The following CCSER1 variants were observed in gnomAD, a reference collection of about 807,000 sequenced individuals.
CCSER1 encodes serine-rich coiled-coil domain-containing protein 1.
CCSER1 carries 41 observed loss-of-function variants against 82.0 expected under a neutral mutation model. The observed-to-expected ratio is 0.50, with a 90% CI of 0.39 to 0.65. The LOEUF is 0.65. Ranked by LOEUF, CCSER1 falls within the 30% of genes least tolerant of loss-of-function variation. The pLI, the probability that CCSER1 is intolerant of heterozygous loss-of-function variation, is 0.00. For synonymous variants in CCSER1, 414 were observed against 383.9 expected, an observed-to-expected ratio of 1.08 and a Z score of -0.92; for missense variants, 1,119 against 1,064.2, an observed-to-expected ratio of 1.05 and a Z score of -0.72.
intron 7 of CCSER1, among the ~76,000 whole-genome samples, chr4:90,758,639 T>C (rs1749927970): frequency 6.6e-6 from 1 of 152,122 alleles, no homozygotes; most frequent in Admixed American, 6.5e-5. Context: ...TTTTTAAGTG[T>C]TTTTTCCAAC....
chr4:91,222,713 AT>A (rs1737850515), intron 10 of CCSER1, among the ~76,000 whole-genome samples: 1 of 152,176 alleles, frequency 6.6e-6, no homozygotes. Flanking sequence ...GTCCAACAAA[AT>A]TGTATGTGAT....
intron 10 of CCSER1, among the ~76,000 whole-genome samples, chr4:91,123,161 C>A (rs939158740): frequency 7.9e-5 from 12 of 151,560 alleles, no homozygotes; most frequent in African/African-American, 2.9e-4. Flanking sequence ...AAGGAGCATA[C>A]CCATGAAGTT....
chr4:90,150,385 G>T (rs1254887390), intron 1 of CCSER1, among the ~76,000 whole-genome samples: 1 of 152,002 alleles, frequency 6.6e-6, no homozygotes, highest in Non-Finnish European at 1.5e-5. Context: ...AAAAAAGTGG[G>T]GTTTCACACA....
At chr4:91,538,698 C>CATATATTATGTGTATATAT in intron 10 of CCSER1, among the ~76,000 whole-genome samples, 2 of 138,340 alleles carry the variant, frequency 1.4e-5, no homozygotes, top group Non-Finnish European at 3.1e-5. Context: ...TATATATACA[C>CATATATTATGTGTATATAT]ATATATATAT....
In CCSER1 at chr4:90,189,860, T is replaced by C. The variant is rs550565006; in HGVS notation, c.-42+62029T>C. 8.5e-5 allele frequency among the ~76,000 whole-genome samples: 13 copies of C among 152,174 alleles called. No individual in the cohort carries two copies. In the East Asian group the frequency reaches 2.5e-3, roughly 29 times the overall value. On this transcript the variant is annotated intron_variant, in intron 1 of 10. Transcript: ENST00000509176. ...ATTGTGGTAAGAGGTGAAAGGCATA[T>C]TTTCAATATAGTATGAGTTTTGTTG...
intron 7 of CCSER1, among the ~76,000 whole-genome samples, chr4:90,729,272 A>G (rs1354846691): frequency 6.6e-6 from 1 of 152,242 alleles, no homozygotes; most frequent in African/African-American, 2.4e-5. Context: ...ACTGTAGGGC[A>G]GAAATTTTGC....
At chr4:90,429,566 G>A (rs28501368) in intron 4 of CCSER1, among the ~76,000 whole-genome samples, 2,693 of 151,874 alleles carry the variant, frequency 0.018, 34 homozygotes, top group African/African-American at 0.038. Context: ...GTTTGTGATA[G>A]CAACTGGCAT....
At chr4:91,568,987 T>A (rs2110277869) in intron 10 of CCSER1, among the ~76,000 whole-genome samples, 1 of 152,340 alleles carries the variant, frequency 6.6e-6, no homozygotes, top group African/African-American at 2.4e-5. Flanking sequence ...TTCCTTTAAC[T>A]GCAGTGTGGA....
chr4:91,588,127 C>G (rs1764094891), intron 10 of CCSER1, among the ~76,000 whole-genome samples: 1 of 150,904 alleles, frequency 6.6e-6, no homozygotes, highest in Non-Finnish European at 1.5e-5. Context: ...AATTTTAGAT[C>G]TTTTTAAGGA....
At chr4:90,931,698 C>T (rs1319415803) in intron 9 of CCSER1, among the ~76,000 whole-genome samples, 1 of 152,148 alleles carries the variant, frequency 6.6e-6, no homozygotes, top group Non-Finnish European at 1.5e-5. Context: ...ATGAGATCTG[C>T]TATTCCCTTT....
chr4:90,878,524 T>C (rs1248127763), intron 8 of CCSER1, among the ~76,000 whole-genome samples: 1 of 152,152 alleles, frequency 6.6e-6, no homozygotes, highest in Non-Finnish European at 1.5e-5. Flanking sequence ...ATGAATAATA[T>C]ATCTGGGAAG....
At chr4:90,389,523 G>A (rs1750624064) in intron 3 of CCSER1, among the ~76,000 whole-genome samples, 1 of 152,102 alleles carries the variant, frequency 6.6e-6, no homozygotes, top group Non-Finnish European at 1.5e-5. Context: ...AATTAAATGA[G>A]TTATTATTAT....
intron 8 of CCSER1, among the ~76,000 whole-genome samples, chr4:90,842,132 A>G (rs1360547658): frequency 3.9e-5 from 6 of 152,216 alleles, no homozygotes; most frequent in Admixed American, 2.0e-4. Context: ...GTTAGTCAAC[A>G]TAGCTTATTC....
At chr4:90,354,811 A>G (rs1744128880) in intron 3 of CCSER1, among the ~76,000 whole-genome samples, 1 of 151,328 alleles carries the variant, frequency 6.6e-6, no homozygotes, top group Non-Finnish European at 1.5e-5. Context: ...TTTTTTTCCT[A>G]GTGGAACGAT....
At chr4:91,308,201 T>G (rs1430107026) in intron 10 of CCSER1, among the ~76,000 whole-genome samples, 1 of 152,016 alleles carries the variant, frequency 6.6e-6, no homozygotes, top group Non-Finnish European at 1.5e-5. Context: ...CTGTATGGCT[T>G]GCTGTTTACT....
At chr4:90,908,085 T>A (rs1442259228) in intron 8 of CCSER1, among the ~76,000 whole-genome samples, 1 of 152,138 alleles carries the variant, frequency 6.6e-6, no homozygotes, top group Non-Finnish European at 1.5e-5. Context: ...ACATGGTCCC[T>A]GCTCTAAGGA....
rs539621652 is a variant in CCSER1, at chr4:90,625,220, A to G, written c.1725-2805A>G. 3.5e-4 allele frequency among the ~76,000 whole-genome samples: 54 copies of G among 152,322 alleles called. 1 individual carries two copies. The South Asian group carries it at 1.0e-2, about 28-fold the overall frequency. ...AATATGTTGTCTGTGCTAGAGGAAA[A>G]TATGGCTTCGTATTAGAGATTTTTC... On this transcript the variant is annotated intron_variant, in intron 5 of 10. Coordinates refer to ENST00000509176, the MANE Select transcript of CCSER1 (RefSeq NM_001145065.2).
At chr4:91,452,376 A>C (rs564519243) in intron 10 of CCSER1, among the ~76,000 whole-genome samples, 8 of 152,130 alleles carry the variant, frequency 5.3e-5, no homozygotes, top group Non-Finnish European at 1.2e-4. Context: ...AGGCAATGGC[A>C]GGTAAGCATT....
intron 10 of CCSER1, among the ~76,000 whole-genome samples, chr4:91,411,471 A>G (rs1753014849): frequency 1.1e-5 from 1 of 91,730 alleles, no homozygotes; most frequent in South Asian, 3.8e-4. Context: ...GTAATTAATC[A>G]CTAAATTTCT....
Sources: allele counts gnomAD v4.1 joint callset (sites outside exome capture counted in the v4.1 genomes callset), GRCh38; gene constraint gnomAD v4.1.1; transcripts MANE v1.5; gene names NCBI Gene and HGNC (gene_info 2026-07-23, HGNC 2026-07-21).